ENPP7: variants seen among roughly 807,000 people sequenced by gnomAD.
ENPP7 encodes the protein ectonucleotide pyrophosphatase/phosphodiesterase family member 7.
ENPP7 carries 39 observed loss-of-function variants against 33.6 expected under a neutral mutation model. The observed-to-expected ratio is 1.16, with a 90% CI of 0.90 to 1.52. The LOEUF is 1.52. Ranked by LOEUF, ENPP7 falls within the 40% of genes most tolerant of loss-of-function variation. The probability of loss-of-function intolerance (pLI) is 0.00; values close to 1 mark genes in which losing one functional copy is unlikely to be tolerated. For missense variants in ENPP7, 594 were observed against 641.0 expected (o/e 0.93, Z 0.79); for synonymous variants, 244 against 274.3 (o/e 0.89, Z 1.09).
Position 79,741,943 on chromosome 17 carries a change from A to G in ENPP7, c.*166A>G. 5.1e-6 allele frequency: 5 copies of G among 985,474 alleles called. No homozygotes were observed. Among genetic ancestry groups the G allele is most frequent in the Non-Finnish European group, 6.0e-6 (5 of 830,036 alleles). 61.0% of individuals were successfully genotyped at this position (985,474 alleles called of 1,614,324 possible). ...CAGCGCCAACCCCTGCTTGGCTGTT[A>G]TGGTGCTGGTAATAAGCCTCGCAGC... On this transcript the variant is annotated 3_prime_UTR_variant, in exon 6 of 6. Coordinates refer to ENST00000328313, the MANE Select transcript of ENPP7 (RefSeq NM_178543.5).
rs533250987 is a variant in ENPP7, at chr17:79,731,315, G to A, written c.176G>A (p.Arg59Gln). The A allele has an allele frequency of 2.4e-5, 38 of 1,613,866 alleles. No homozygotes were observed. Among genetic ancestry groups the A allele is most frequent in the East Asian group, 8.9e-5 (4 of 44,866 alleles). Reference protein sequence around the residue: ...VDTPNLDAMARDGVKARYMTP... With the variant: ...VDTPNLDAMAQDGVKARYMTP... ...ACCCCCAACCTGGACGCCATGGCCCGAGACGGGGTGAAGGCACGCTACATG... is the reference window on the plus strand; with the variant it reads ...ACCCCCAACCTGGACGCCATGGCCCAAGACGGGGTGAAGGCACGCTACATG... Residue 59 changes from arginine (R) to glutamine (Q), a missense_variant, in exon 1 of 6, where the codon CGA (arginine) becomes CAA (glutamine). This residue lies in a region of ENPP7 where 85 missense variants were observed against 111.3 expected (regional missense o/e 0.76). Transcript: ENST00000328313.
Position 79,742,087 on chromosome 17 carries a change from C to A in ENPP7, c.*310C>A. On this transcript the variant is annotated 3_prime_UTR_variant, in exon 6 of 6. Coordinates refer to ENST00000328313, the MANE Select transcript of ENPP7 (RefSeq NM_178543.5). The stretch of plus-strand genomic sequence containing the variant: ...AAAACCCGCTCCCGAAGCGGCGCTG[C>A]CGTCTGCAGCCACGCGGGGGCGCGC... The A allele has an allele frequency of 2.8e-6, 1 of 355,012 alleles. No individual in the cohort carries two copies. The highest frequency in any genetic ancestry group is 3.9e-6 in the Non-Finnish European group (1 of 253,634). 22.0% of individuals were successfully genotyped at this position (355,012 alleles called of 1,614,324 possible).
intron 1 of ENPP7, among the ~76,000 whole-genome samples, chr17:79,732,793 G>A (rs2094288867): frequency 1.3e-5 from 2 of 152,160 alleles, no homozygotes; most frequent in South Asian, 4.1e-4. Flanking sequence ...TTCTAAATAA[G>A]GCCACGTTCT....
chr17:79,740,185 G>A (rs1232734179), intron 5 of ENPP7, among the ~76,000 whole-genome samples: 4 of 152,214 alleles, frequency 2.6e-5, no homozygotes, highest in Non-Finnish European at 5.9e-5. Flanking sequence ...GCAAGAGTGA[G>A]ACCTTGTCTC....
Position 79,735,666 on chromosome 17 carries a change from T to A in ENPP7, c.1023T>A (p.His341Gln), listed in dbSNP as rs1029592343. ...LMYSDLGYVI[H>Q]GRINVQFNNG... ...ACAGCGACCTTGGCTACGTCATCCA[T>A]GGGGTGAGTCGCCTGCTGGAGGCAC... Residue 341 changes from histidine (H) to glutamine (Q), a missense_variant, in exon 3 of 6, where the codon CAT becomes CAA. This residue lies in a region of ENPP7 where 504 missense variants were observed against 512.8 expected (regional missense o/e 0.98). Transcript: ENST00000328313. This position sits in a 1 kb window ranked among gnomAD's most constrained non-coding sequence, Gnocchi z 5.5. 1 of 1,602,744 alleles carries A rather than the reference T, an allele frequency of 6.2e-7. No homozygotes were observed. Among genetic ancestry groups the A allele is most frequent in the Non-Finnish European group, 8.5e-7 (1 of 1,172,060 alleles).
chr17:79,735,314 GC>G lies in ENPP7; in HGVS notation c.672del (p.Tyr225ThrfsTer17). On this transcript the variant is annotated frameshift_variant, in exon 3 of 6. Coordinates refer to ENST00000328313, the MANE Select transcript of ENPP7 (RefSeq NM_178543.5). LOFTEE classifies it high-confidence loss of function. The surrounding 1 kb of genome is among the most constrained non-coding windows in gnomAD (Gnocchi z 5.5). Reference sequence around the variant, plus strand: ...GTGCGGCAGGTGGACCGGACCGTGGGCTACCTCCGGGAGAGCATCGCGCGCA... The same window carrying G: ...GTGCGGCAGGTGGACCGGACCGTGGGTACCTCCGGGAGAGCATCGCGCGCA... Reference protein sequence around the residue: ...EMVRQVDRTVGYLRESIARNH... With the variant: ...EMVRQVDRTVXYLRESIARNH... 1 of 1,613,314 alleles carries G rather than the reference GC, an allele frequency of 6.2e-7. No homozygotes were observed. Among genetic ancestry groups the G allele is most frequent in the Non-Finnish European group, 8.5e-7 (1 of 1,180,022 alleles).
At chr17:79,740,230 T>C (rs1278751855) in intron 5 of ENPP7, among the ~76,000 whole-genome samples, 2 of 151,552 alleles carry the variant, frequency 1.3e-5, no homozygotes, top group African/African-American at 4.9e-5. Context: ...AAGGAGCGGG[T>C]TTAGGGTTTA....
chr17:79,735,264 C>G lies in ENPP7; in HGVS notation c.621C>G (p.Pro207=). The change falls in exon 3 of 6, where the codon CCC becomes CCG. Residue 207 remains proline, a synonymous_variant. Transcript: ENST00000328313. The surrounding 1 kb of genome is among the most constrained non-coding windows in gnomAD (Gnocchi z 5.5). ...ACTCCACGGGCCACAGGTACGGCCC[C>G]GAGTCCCCGGAGAGGAGGGAGATGG... is the stretch of plus-strand genomic sequence containing the variant. ...EPDSTGHRYG[P]ESPERREMVR... is the part of the protein sequence containing the mutation. 1.2e-6 allele frequency: 2 copies of G among 1,613,476 alleles called. No individual in the cohort carries two copies. Among genetic ancestry groups the G allele is most frequent in the Non-Finnish European group, 1.7e-6 (2 of 1,180,024 alleles).
Position 79,735,308 on chromosome 17 carries a change from C to T in ENPP7, c.665C>T (p.Thr222Ile), listed in dbSNP as rs1184167800. ...RREMVRQVDR[T>I]VGYLRESIAR... ...GAGATGGTGCGGCAGGTGGACCGGA[C>T]CGTGGGCTACCTCCGGGAGAGCATC... Residue 222 changes from threonine to isoleucine, a missense_variant, in exon 3 of 6, where the codon ACC (threonine) becomes ATC (isoleucine). Physicochemically the swap from Thr to Ile is moderately conservative, Grantham distance 89. Around this residue, in one of 3 missense-constraint regions of ENPP7, gnomAD observed 504 missense variants for 512.8 expected, o/e 0.98. Coordinates refer to ENST00000328313, the MANE Select transcript of ENPP7 (RefSeq NM_178543.5). This position sits in a 1 kb window ranked among gnomAD's most constrained non-coding sequence, Gnocchi z 5.5. 43 of 1,613,132 alleles carry T rather than the reference C, an allele frequency of 2.7e-5. No homozygotes were observed. Among genetic ancestry groups the T allele is most frequent in the Non-Finnish European group, 3.4e-5 (40 of 1,180,032 alleles).
Position 79,735,028 on chromosome 17 carries a change from T to C in ENPP7, c.400-15T>C. 6.2e-7 allele frequency: 1 copy of C among 1,610,608 alleles called. No individual in the cohort carries two copies. Among genetic ancestry groups the C allele is most frequent in the African/African-American group, 1.3e-5 (1 of 75,018 alleles). On this transcript the variant is annotated splice_polypyrimidine_tract_variant and intron_variant, in intron 2 of 5. Transcript: ENST00000328313. The surrounding 1 kb of genome is among the most constrained non-coding windows in gnomAD (Gnocchi z 5.5). ...CACTGAGGAGTCCTGTCTTTCACGC[T>C]GCCTTGTCTGGCAGGGCCTGAGGGC...
Position 79,737,039 on chromosome 17 carries a change from A to C in ENPP7, c.1027-2A>C. 6.2e-7 allele frequency: 1 copy of C among 1,613,676 alleles called. No homozygotes were observed. The highest frequency in any genetic ancestry group is 8.5e-7 in the Non-Finnish European group (1 of 1,179,720). On this transcript the variant is annotated splice_acceptor_variant, in intron 3 of 5. Coordinates refer to ENST00000328313, the MANE Select transcript of ENPP7 (RefSeq NM_178543.5). LOFTEE classifies it high-confidence loss of function. The surrounding 1 kb of genome is among the most constrained non-coding windows in gnomAD (Gnocchi z 5.5). ...CCAGGACCCTTGCCCGCTCCCCGGC[A>C]GAGAATTAACGTCCAGTTCAACAAT...
chr17:79,737,119 G>C lies in ENPP7; in HGVS notation c.1105G>C (p.Val369Leu). The C allele has an allele frequency of 2.5e-6, 4 of 1,614,192 alleles. No individual in the cohort carries two copies. The highest frequency in any genetic ancestry group is 3.4e-6 in the Non-Finnish European group (4 of 1,180,036). ...DMDMKTIFRA[V>L]GPSFRAGLEV... Reference sequence around the variant, plus strand: ...GGACATGAAGACCATCTTCCGCGCTGTGGGCCCTAGCTTCAGGGCGGGCCT... The same window carrying C: ...GGACATGAAGACCATCTTCCGCGCTCTGGGCCCTAGCTTCAGGGCGGGCCT... Residue 369 changes from valine (V) to leucine (L), a missense_variant, in exon 4 of 6, where the codon GTG becomes CTG. Val to Leu is a conservative substitution (Grantham distance 32, BLOSUM62 1). Transcript: ENST00000328313. The surrounding 1 kb of genome is among the most constrained non-coding windows in gnomAD (Gnocchi z 5.5).
chr17:79,737,830 C>T lies in ENPP7; in HGVS notation c.1247-86C>T. On this transcript the variant is annotated intron_variant, in intron 4 of 5. Coordinates refer to ENST00000328313, the MANE Select transcript of ENPP7 (RefSeq NM_178543.5). This position sits in a 1 kb window ranked among gnomAD's most constrained non-coding sequence, Gnocchi z 5.5. Reference sequence around the variant, plus strand: ...AAGAGGAAGGAGGGGCTCGTGGGGACCAACAGAGGACCCCGAGTTTACTGT... The same window carrying T: ...AAGAGGAAGGAGGGGCTCGTGGGGATCAACAGAGGACCCCGAGTTTACTGT... The T allele has an allele frequency of 2.0e-6, 3 of 1,473,400 alleles. No homozygotes were observed. In the South Asian group the frequency reaches 3.5e-5, roughly 17 times the overall value. The allele number at this position is 1,473,400 out of a possible 1,614,324, so 91.3% of individuals were successfully genotyped here.
Position 79,731,263 on chromosome 17 carries a change from C to T in ENPP7, c.124C>T (p.Arg42Cys), listed in dbSNP as rs529213583. ...KLLLVSFDGF[R>C]WNYDQDVDTP... ...GCTCCTGGTGTCCTTCGACGGCTTC[C>T]GCTGGAACTACGACCAGGACGTGGA... The change falls in exon 1 of 6, where the codon CGC (arginine) becomes TGC (cysteine). Residue 42 changes from arginine to cysteine, a missense_variant. By Grantham distance (180) the Arg-to-Cys change is radical. This residue lies in a region of ENPP7 where 85 missense variants were observed against 111.3 expected (regional missense o/e 0.76). Transcript: ENST00000328313. 52 of 1,613,850 alleles carry T rather than the reference C, an allele frequency of 3.2e-5. No individual in the cohort carries two copies. Among genetic ancestry groups the T allele is most frequent in the East Asian group, 4.5e-5 (2 of 44,874 alleles).
chr17:79,733,430 G>A (rs1555822913), intron 1 of ENPP7, 78 bp from the exon 2 acceptor site: 7 of 1,478,146 alleles, frequency 4.7e-6, no homozygotes, highest in African/African-American at 2.8e-5. Flanking sequence ...TTTTGACTTC[G>A]CCTCTTCCAG....
chr17:79,739,203 GTTTGGGA>G lies in ENPP7; in HGVS notation c.*16+1143_*16+1149del, dbSNP rs202047739. 2,844 of 152,792 alleles carry G rather than the reference GTTTGGGA, an allele frequency of 0.019. 39 individuals are homozygous for G. Among genetic ancestry groups the G allele is most frequent in the Non-Finnish European group, 0.03 (2,058 of 68,320 alleles). 9.5% of individuals were successfully genotyped at this position (152,792 alleles called of 1,614,324 possible). A position where few individuals can be genotyped will look rare whatever the true frequency, so the allele number is the denominator to read the frequency against. On this transcript the variant is annotated intron_variant, in intron 5 of 5. Coordinates refer to ENST00000328313, the MANE Select transcript of ENPP7 (RefSeq NM_178543.5). This position sits in a 1 kb window ranked among gnomAD's most constrained non-coding sequence, Gnocchi z 4.4. ...GCCCGCGGTGGGACAGGTTCGGCGTGTTTGGGATGAGACAGAAGGCCAGTGTGCCTGC... is the reference window on the plus strand; with the variant it reads ...GCCCGCGGTGGGACAGGTTCGGCGTGTGAGACAGAAGGCCAGTGTGCCTGC...
intron 2 of ENPP7, among the ~76,000 whole-genome samples, chr17:79,733,861 G>A (rs1370720035): frequency 6.6e-5 from 10 of 152,130 alleles, no homozygotes; most frequent in Non-Finnish European, 1.2e-4. Context: ...AGTGAGCTAC[G>A]TCCGGCTCGG....
At position 79,737,397 on chromosome 17, in the gene ENPP7, A is replaced by G; in HGVS notation, c.1246+137A>G. The stretch of plus-strand genomic sequence containing the variant: ...TCCCCTGGCTTTGGAGAACACCAGA[A>G]TCTCTCACATTCCCACAACACGTGA... On this transcript the variant is annotated intron_variant, in intron 4 of 5. Coordinates refer to ENST00000328313, the MANE Select transcript of ENPP7 (RefSeq NM_178543.5). This position sits in a 1 kb window ranked among gnomAD's most constrained non-coding sequence, Gnocchi z 5.5. 1 of 683,512 alleles carries G rather than the reference A, an allele frequency of 1.5e-6. No homozygotes were observed. The allele number at this position is 683,512 out of a possible 1,614,324, so 42.3% of individuals were successfully genotyped here. A position where few individuals can be genotyped will look rare whatever the true frequency, so the allele number is the denominator to read the frequency against.
Position 79,731,184 on chromosome 17 carries a change from C to T in ENPP7, c.45C>T (p.Leu15=), listed in dbSNP as rs782153135. The T allele has an allele frequency of 1.3e-5, 21 of 1,611,386 alleles. No homozygotes were observed. The highest frequency in any genetic ancestry group is 1.7e-5 in the Non-Finnish European group (20 of 1,179,752). Residue 15 remains leucine, a synonymous_variant, in exon 1 of 6, where the codon CTC becomes CTT. Transcript: ENST00000328313. ...AVLLTVALAT[L]LAPGAGAPVQ... is the part of the protein sequence containing the mutation. Reference sequence around the variant, plus strand: ...TCCTCACTGTGGCTCTGGCCACGCTCCTGGCTCCCGGGGCCGGAGCACCGG... The same window carrying T: ...TCCTCACTGTGGCTCTGGCCACGCTTCTGGCTCCCGGGGCCGGAGCACCGG...
Sources: allele counts gnomAD v4.1 joint callset (sites outside exome capture counted in the v4.1 genomes callset), GRCh38; gene constraint gnomAD v4.1.1; regional missense constraint gnomAD v4.1.1; non-coding constraint Gnocchi (gnomAD v3.1); transcripts MANE v1.5; gene names NCBI Gene and HGNC (gene_info 2026-07-23, HGNC 2026-07-21).